Variants in LIMS1 observed in about 807,000 individuals in gnomAD.
LIMS1 encodes the protein LIM and senescent cell antigen-like-containing domain protein 1.
A neutral mutation model predicts 44.1 loss-of-function variants in LIMS1; 18 were observed. The ratio of observed to expected loss-of-function variants is 0.41; its 90% CI spans 0.28 to 0.61. The LOEUF is 0.61. Ranked by LOEUF, LIMS1 falls within the 20% of genes least tolerant of loss-of-function variation. LIMS1 has a pLI of 0.32. For synonymous variants in LIMS1, 93 were observed against 149.1 expected (o/e 0.62, Z 2.74); for missense variants, 201 against 422.0 (o/e 0.48, Z 4.59).
intron 1 of LIMS1, among the ~76,000 whole-genome samples, chr2:108,539,604 C>T (rs774428263): frequency 2.6e-5 from 4 of 152,062 alleles, no homozygotes; most frequent in African/African-American, 4.8e-5. Flanking sequence ...GAAAGGATAC[C>T]GATGAAATTT....
intron 1 of LIMS1, among the ~76,000 whole-genome samples, chr2:108,539,718 A>G (rs1473001165): frequency 6.6e-6 from 1 of 152,180 alleles, no homozygotes; most frequent in Non-Finnish European, 1.5e-5. Flanking sequence ...GATTTTTAAA[A>G]TCGTGTATGT....
At chr2:108,542,677 C>G (rs894178004) in intron 1 of LIMS1, among the ~76,000 whole-genome samples, 2 of 152,216 alleles carry the variant, frequency 1.3e-5, no homozygotes, top group African/African-American at 4.8e-5. Flanking sequence ...ATACCACAGT[C>G]CTTCTTTCTG....
chr2:108,676,877 C>G, intron 7 of LIMS1, 179 bp downstream of exon 7: 1 of 665,426 alleles, frequency 1.5e-6, no homozygotes, highest in Non-Finnish European at 2.4e-6. Context: ...CAAAGAATAC[C>G]TGTATGTCTT....
chr2:108,593,884 C>G (rs945212904), intron 1 of LIMS1, among the ~76,000 whole-genome samples: 2 of 152,154 alleles, frequency 1.3e-5, no homozygotes, highest in Non-Finnish European at 2.9e-5. Flanking sequence ...TTACTTATTT[C>G]TAGGACCATT....
intron 1 of LIMS1, among the ~76,000 whole-genome samples, chr2:108,605,625 A>G (rs1036031743): frequency 6.6e-6 from 1 of 152,146 alleles, no homozygotes; most frequent in African/African-American, 2.4e-5. Context: ...GCTTCACATA[A>G]GCAGAAACAC....
intron 1 of LIMS1, among the ~76,000 whole-genome samples, chr2:108,618,977 G>T (rs1323356249): frequency 6.6e-6 from 1 of 151,384 alleles, no homozygotes; most frequent in Admixed American, 6.6e-5. Flanking sequence ...AAGTCAGAGG[G>T]CAAGAATTGT....
chr2:108,590,804 T>G (rs1686346044), intron 1 of LIMS1, among the ~76,000 whole-genome samples: 1 of 152,184 alleles, frequency 6.6e-6, no homozygotes, highest in Non-Finnish European at 1.5e-5. Flanking sequence ...TGCAAGTGCT[T>G]TCTGGATCTA....
At chr2:108,541,242 T>C (rs182332121) in intron 1 of LIMS1, among the ~76,000 whole-genome samples, 1 of 152,196 alleles carries the variant, frequency 6.6e-6, no homozygotes, top group Admixed American at 6.5e-5. Context: ...TAAACAGATA[T>C]GTTTATTTCT....
chr2:108,633,430 T>C (rs10164699), intron 1 of LIMS1, among the ~76,000 whole-genome samples: 66,470 of 152,086 alleles, frequency 0.44, 16,035 homozygotes, highest in East Asian at 0.95. Flanking sequence ...ATATTCAGTC[T>C]GAACATAGTC....
intron 1 of LIMS1, among the ~76,000 whole-genome samples, chr2:108,559,556 A>G (rs976599973): frequency 6.6e-6 from 1 of 151,596 alleles, no homozygotes; most frequent in Non-Finnish European, 1.5e-5. Flanking sequence ...AGAAACTATA[A>G]TTATGAAGAA....
At chr2:108,615,054 A>G (rs938746360) in intron 1 of LIMS1, among the ~76,000 whole-genome samples, 4 of 152,118 alleles carry the variant, frequency 2.6e-5, no homozygotes, top group African/African-American at 9.7e-5. Flanking sequence ...TATGCTGAGC[A>G]GATATAGATA....
At chr2:108,624,239 C>T in intron 1 of LIMS1, among the ~76,000 whole-genome samples, 1 of 152,206 alleles carries the variant, frequency 6.6e-6, no homozygotes, top group East Asian at 1.9e-4. Context: ...TACCCATGTA[C>T]CTACACTTAC....
intron 1 of LIMS1, among the ~76,000 whole-genome samples, chr2:108,634,147 A>G (rs1240164458): frequency 1.3e-5 from 2 of 152,230 alleles, no homozygotes; most frequent in Non-Finnish European, 2.9e-5. Context: ...AAGGAAGTCC[A>G]TGCAATAACT....
At chr2:108,604,437 C>T (rs542001438) in intron 1 of LIMS1, among the ~76,000 whole-genome samples, 1 of 152,276 alleles carries the variant, frequency 6.6e-6, no homozygotes, top group East Asian at 1.9e-4. Flanking sequence ...TGGCCTTTTA[C>T]AGAAGTTTGA....
chr2:108,628,543 A>G (rs1216263622), intron 1 of LIMS1, among the ~76,000 whole-genome samples: 1 of 152,246 alleles, frequency 6.6e-6, no homozygotes, highest in Non-Finnish European at 1.5e-5. Context: ...CCTAGGCTGC[A>G]GTGAGCCTTC....
intron 1 of LIMS1, among the ~76,000 whole-genome samples, chr2:108,572,965 C>A (rs187837204): frequency 3.3e-5 from 5 of 152,252 alleles, no homozygotes; most frequent in Non-Finnish European, 7.4e-5. Context: ...GCTTCCTGGG[C>A]CACATCAGAC....
At chr2:108,578,587 A>ATTTTTTTT (rs575139291) in intron 1 of LIMS1, among the ~76,000 whole-genome samples, 7 of 100,788 alleles carry the variant, frequency 6.9e-5, no homozygotes, top group South Asian at 3.6e-4. Context: ...AATGTAAATA[A>ATTTTTTTT]TTTTTTTTTT....
intron 1 of LIMS1, among the ~76,000 whole-genome samples, chr2:108,620,304 G>C (rs151312736): frequency 0.015 from 2,246 of 152,226 alleles, 52 homozygotes; most frequent in African/African-American, 0.051. Context: ...GGTTCTAAAA[G>C]GAAAAGAGGC....
intron 1 of LIMS1, among the ~76,000 whole-genome samples, chr2:108,644,752 A>G (rs554683297): frequency 2.0e-5 from 3 of 152,248 alleles, no homozygotes; most frequent in Admixed American, 6.5e-5. Context: ...AGAACGCTGA[A>G]AAAAGGTTAG....
Sources: allele counts gnomAD v4.1 joint callset (sites outside exome capture counted in the v4.1 genomes callset), GRCh38; gene constraint gnomAD v4.1.1; transcripts MANE v1.5; gene names NCBI Gene and HGNC (gene_info 2026-07-23, HGNC 2026-07-21).